EFEMP1: variants seen among roughly 807,000 people sequenced by gnomAD.
EFEMP1 encodes EGF-containing fibulin-like extracellular matrix protein 1.
Under a neutral mutation model 65.7 loss-of-function variants are expected in EFEMP1, and 18 were observed. The observed-to-expected ratio is 0.27, with a 90% CI of 0.19 to 0.41. The LOEUF (loss-of-function observed/expected upper bound fraction) is 0.41, where lower values mean the gene tolerates loss of function less well. EFEMP1 is among the 10% of genes least tolerant of loss of function. EFEMP1 has a pLI of 1.00. For missense variants in EFEMP1, 469 were observed against 624.8 expected (o/e 0.75, Z 2.66); for synonymous variants, 237 against 219.7 (o/e 1.08, Z -0.70).
In EFEMP1 at chr2:55,873,796, C is replaced by T. The variant is rs115935943; in HGVS notation, c.1000+1150G>A. Among the ~76,000 whole-genome samples the T allele has an allele frequency of 0.019, 2,948 of 152,008 alleles. 55 individuals carry two copies. Among genetic ancestry groups the T allele is most frequent in the South Asian group, 0.08 (385 of 4,818 alleles). On this transcript the variant is annotated intron_variant, in intron 9 of 11. Coordinates refer to ENST00000355426, the MANE Select transcript of EFEMP1 (RefSeq NM_001039348.3). The surrounding 1 kb of genome is among the most constrained non-coding windows in gnomAD (Gnocchi z 4.6). ...TTATAAAATCCCAGGTAATGGATTTCCTCTAAGTTAATATTTTCCTGTAAA... is the reference window on the plus strand; with the variant it reads ...TTATAAAATCCCAGGTAATGGATTTTCTCTAAGTTAATATTTTCCTGTAAA...
In EFEMP1 at chr2:55,874,926, GA is replaced by G. The variant is rs56280335; in HGVS notation, c.1000+19del. On this transcript the variant is annotated intron_variant, in intron 9 of 11. Coordinates refer to ENST00000355426, the MANE Select transcript of EFEMP1 (RefSeq NM_001039348.3). ...GGCTAAAACTAAATACCTAACATAT[GA>G]AAAAAAAAATAAACTTACCTTGACA... The G allele has an allele frequency of 0.15, 223,464 of 1,503,712 alleles. 17,343 individuals are homozygous for G. Among genetic ancestry groups the G allele is most frequent in the South Asian group, 0.3 (25,645 of 85,666 alleles). The allele number at this position is 1,503,712 out of a possible 1,614,324, so 93.1% of individuals were successfully genotyped here. A position where few individuals can be genotyped will look rare whatever the true frequency, so the allele number is the denominator to read the frequency against.
intron 5 of EFEMP1, among the ~76,000 whole-genome samples, chr2:55,908,187 T>C (rs1344747211): frequency 6.6e-6 from 1 of 152,174 alleles, no homozygotes; most frequent in East Asian, 1.9e-4. Context: ...AAAAACAAAT[T>C]TGAGAAGGAT....
In EFEMP1 at chr2:55,923,518, G is replaced by GT. The variant is rs1670989418; in HGVS notation, c.-49+192dup. Among the ~76,000 whole-genome samples, 1 of 152,290 alleles carries GT rather than the reference G, an allele frequency of 6.6e-6. No homozygotes were observed. The highest frequency in any genetic ancestry group is 6.5e-5 in the Admixed American group (1 of 15,306). On this transcript the variant is annotated intron_variant, in intron 1 of 11. Transcript: ENST00000355426. This position sits in a 1 kb window ranked among gnomAD's most constrained non-coding sequence, Gnocchi z 5.3. ...GCCCATCCCAACAGATGTCACCCGA[G>GT]TACTCGCACTTGCTGACAGATCGCA...
rs1193938756 is a variant in EFEMP1 at position 55,883,012 on chromosome 2, C to T, written c.518-1278G>A. Among the ~76,000 whole-genome samples the T allele has an allele frequency of 6.6e-6, 1 of 152,112 alleles. No individual in the cohort carries two copies. The highest frequency in any genetic ancestry group is 1.5e-5 in the Non-Finnish European group (1 of 68,028). On this transcript the variant is annotated intron_variant, in intron 5 of 11. Coordinates refer to ENST00000355426, the MANE Select transcript of EFEMP1 (RefSeq NM_001039348.3). The surrounding 1 kb of genome is among the most constrained non-coding windows in gnomAD (Gnocchi z 4.5). ...TTTCAAGGAGGACTGCGCATTTACACTATGCAGTATAATAATATATGAAGT... is the reference window on the plus strand; with the variant it reads ...TTTCAAGGAGGACTGCGCATTTACATTATGCAGTATAATAATATATGAAGT...
chr2:55,890,953 A>AT (rs1384930586), intron 5 of EFEMP1, among the ~76,000 whole-genome samples: 4 of 151,936 alleles, frequency 2.6e-5, no homozygotes, highest in Non-Finnish European at 5.9e-5. Context: ...AGATCTTTTT[A>AT]TTTTAACTTT....
Position 55,922,433 on chromosome 2 carries a change from T to C in EFEMP1, c.8A>G (p.Lys3Arg), listed in dbSNP as rs758900931. ML[K>R]ALFLTMLTLA... is the part of the protein sequence containing the mutation. ...AGTCAGCATAGTTAGGAAAAGGGCT[T>C]TCAACATTGTGAATCTCAAAGAAAA... The change falls in exon 3 of 12, where the codon AAA becomes AGA. Residue 3 changes from lysine to arginine, a missense_variant. By Grantham distance (26) the Lys-to-Arg change is conservative (BLOSUM62 2). Around this residue, in one of 3 missense-constraint regions of EFEMP1, gnomAD observed 66 missense variants for 73.0 expected, o/e 0.90. Coordinates refer to ENST00000355426, the MANE Select transcript of EFEMP1 (RefSeq NM_001039348.3). The surrounding 1 kb of genome is among the most constrained non-coding windows in gnomAD (Gnocchi z 5.5). The C allele has an allele frequency of 1.2e-6, 2 of 1,613,754 alleles. No individual in the cohort carries two copies. The highest frequency in any genetic ancestry group is 1.7e-5 in the Admixed American group (1 of 60,010).
intron 5 of EFEMP1, among the ~76,000 whole-genome samples, chr2:55,903,843 C>A (rs532381872): frequency 6.6e-6 from 1 of 152,008 alleles, no homozygotes; most frequent in Non-Finnish European, 1.5e-5. Context: ...ATTACAATAT[C>A]TTATGAGATA....
chr2:55,887,338 A>G (rs1323192557), intron 5 of EFEMP1, among the ~76,000 whole-genome samples: 2 of 152,126 alleles, frequency 1.3e-5, no homozygotes, highest in Non-Finnish European at 2.9e-5. Context: ...TTTAGCCTTA[A>G]AGATAGGGTT....
intron 5 of EFEMP1, among the ~76,000 whole-genome samples, chr2:55,904,668 C>G (rs955588205): frequency 6.6e-6 from 1 of 152,222 alleles, no homozygotes. Flanking sequence ...TCCTGGTTCT[C>G]AGATTTTTTG....
intron 5 of EFEMP1, among the ~76,000 whole-genome samples, chr2:55,894,908 A>C (rs1669757601): frequency 6.6e-6 from 1 of 152,220 alleles, no homozygotes; most frequent in Admixed American, 6.5e-5. Flanking sequence ...TTGTCATCCT[A>C]GCCTATCAAT....
intron 6 of EFEMP1, 95 bp downstream of exon 6, chr2:55,881,517 T>C (rs937080338): frequency 1.4e-5 from 21 of 1,540,728 alleles, no homozygotes; most frequent in East Asian, 2.3e-5. Flanking sequence ...GCTACCACTC[T>C]CCAAAGAAAC....
intron 5 of EFEMP1, among the ~76,000 whole-genome samples, chr2:55,913,511 A>G (rs1479151019): frequency 1.3e-5 from 2 of 152,086 alleles, no homozygotes; most frequent in East Asian, 1.9e-4. Flanking sequence ...GCAAAATGCC[A>G]TGTGTTTTAA....
In EFEMP1 at chr2:55,883,343, A is replaced by G. The variant is rs1669314664; in HGVS notation, c.518-1609T>C. On this transcript the variant is annotated intron_variant, in intron 5 of 11. Coordinates refer to ENST00000355426, the MANE Select transcript of EFEMP1 (RefSeq NM_001039348.3). This position sits in a 1 kb window ranked among gnomAD's most constrained non-coding sequence, Gnocchi z 4.5. ...TTTAGGTACTATGCGATGGTGCAACAATCCTGCTTTGAAATTATCTGCTGT... is the reference window on the plus strand; with the variant it reads ...TTTAGGTACTATGCGATGGTGCAACGATCCTGCTTTGAAATTATCTGCTGT... Among the ~76,000 whole-genome samples the G allele has an allele frequency of 6.6e-6, 1 of 152,200 alleles. No homozygotes were observed. The highest frequency in any genetic ancestry group is 1.5e-5 in the Non-Finnish European group (1 of 68,040).
intron 9 of EFEMP1, among the ~76,000 whole-genome samples, chr2:55,874,173 G>A (rs1443391817): frequency 2.6e-5 from 4 of 151,986 alleles, no homozygotes; most frequent in South Asian, 2.1e-4. Flanking sequence ...GTCAAGTTTG[G>A]TCATTTTTTC....
At chr2:55,920,133 C>T (rs1670863483) in intron 3 of EFEMP1, among the ~76,000 whole-genome samples, 1 of 152,192 alleles carries the variant, frequency 6.6e-6, no homozygotes, top group South Asian at 2.1e-4. Flanking sequence ...GTCTCAGGTG[C>T]TTTCAGCTCT....
At position 55,870,687 on chromosome 2, in the gene EFEMP1, C is replaced by T; in HGVS notation, c.1320+33G>A. On this transcript the variant is annotated intron_variant, in intron 11 of 11. Coordinates refer to ENST00000355426, the MANE Select transcript of EFEMP1 (RefSeq NM_001039348.3). This position sits in a 1 kb window ranked among gnomAD's most constrained non-coding sequence, Gnocchi z 5.8. ...ACAACAACAACAAACTCCCATCTTTCTCAATAGTTAAGGCTGCCTTCAGGA... is the reference window on the plus strand; with the variant it reads ...ACAACAACAACAAACTCCCATCTTTTTCAATAGTTAAGGCTGCCTTCAGGA... 6.2e-7 allele frequency: 1 copy of T among 1,611,142 alleles called. No homozygotes were observed. Among genetic ancestry groups the T allele is most frequent in the Non-Finnish European group, 8.5e-7 (1 of 1,178,006 alleles).
chr2:55,922,325 G>T lies in EFEMP1; in HGVS notation c.81+35C>A. The T allele has an allele frequency of 6.2e-7, 1 of 1,600,292 alleles. No individual in the cohort carries two copies. The highest frequency in any genetic ancestry group is 1.1e-5 in the South Asian group (1 of 90,746). On this transcript the variant is annotated intron_variant, in intron 3 of 11. Transcript: ENST00000355426. The surrounding 1 kb of genome is among the most constrained non-coding windows in gnomAD (Gnocchi z 5.5). ...TCTTTTTTTGTCACAGAATCCCGCT[G>T]AACCGTACTTATTTCAAATTCCATC... is the stretch of plus-strand genomic sequence containing the variant.
Position 55,923,663 on chromosome 2 carries a change from A to C in EFEMP1, c.-49+48T>G, listed in dbSNP as rs946754114. 28 of 985,554 alleles carry C rather than the reference A, an allele frequency of 2.8e-5. No homozygotes were observed. In the African/African-American group the frequency reaches 4.5e-4, roughly 16 times the overall value. 61.1% of individuals were successfully genotyped at this position (985,554 alleles called of 1,614,324 possible). On this transcript the variant is annotated intron_variant, in intron 1 of 11. Coordinates refer to ENST00000355426, the MANE Select transcript of EFEMP1 (RefSeq NM_001039348.3). This position sits in a 1 kb window ranked among gnomAD's most constrained non-coding sequence, Gnocchi z 5.3. ...CACCTCACTCTCCCGCGCGCGGCCC[A>C]GTGAGTACTGGGCTCGCTCGGGGCG... is the stretch of plus-strand genomic sequence containing the variant.
chr2:55,888,135 G>A (rs968456204), intron 5 of EFEMP1, among the ~76,000 whole-genome samples: 1 of 152,170 alleles, frequency 6.6e-6, no homozygotes, highest in Non-Finnish European at 1.5e-5. Flanking sequence ...GGCTGAAACA[G>A]AGGAAGAGCA....
Sources: gnomAD v4.1 joint callset for allele counts (sites outside exome capture counted in the v4.1 genomes callset) on GRCh38, gnomAD v4.1.1 for gene constraint, gnomAD v4.1.1 regional missense constraint, Gnocchi (gnomAD v3.1) non-coding constraint, MANE v1.5 for transcripts, NCBI Gene and HGNC (gene_info 2026-07-23, HGNC 2026-07-21) for gene names.